Variants in NTNG1 observed in about 807,000 individuals in gnomAD.
NTNG1 encodes the protein netrin-G1.
In NTNG1, 16 loss-of-function variants were observed where a neutral mutation model predicts 54.0. That is an observed-to-expected ratio of 0.30 (90% CI 0.20 to 0.45). The LOEUF is 0.45. Among genes scored for constraint, NTNG1 ranks in the 20% least tolerant of loss-of-function variants. NTNG1 has a pLI of 1.00. For missense variants in NTNG1, 530 were observed against 678.7 expected (o/e 0.78, Z 2.43); for synonymous variants, 255 against 263.1 (o/e 0.97, Z 0.30).
At chr1:107,200,427 C>A (rs891292250) in intron 2 of NTNG1, among the ~76,000 whole-genome samples, 3 of 151,746 alleles carry the variant, frequency 2.0e-5, no homozygotes, top group African/African-American at 4.8e-5. Context: ...CTCTTGATCA[C>A]AGTGTCTTGA....
chr1:107,324,914 G>A lies in NTNG1; in HGVS notation c.879G>A (p.Val293=). The A allele has an allele frequency of 1.9e-6, 3 of 1,607,498 alleles. No individual in the cohort carries two copies. The highest frequency in any genetic ancestry group is 2.6e-6 in the Non-Finnish European group (3 of 1,175,814). Residue 293 remains valine, a synonymous_variant, in exon 3 of 8, where the codon GTG becomes GTA. Transcript: ENST00000370068. ...RYFYAISDIK[V]RGRCKCNLHA... is the part of the protein sequence containing the mutation. ...TTTACGCGATCTCAGACATAAAGGT[G>A]CGAGGAAGGTAAGAGAAAATCTGTC...
intron 7 of NTNG1, among the ~76,000 whole-genome samples, chr1:107,463,451 T>C (rs1045126318): frequency 6.6e-6 from 1 of 152,186 alleles, no homozygotes; most frequent in African/African-American, 2.4e-5. Flanking sequence ...AATTCTTTAC[T>C]GGCTGAATTG....
intron 3 of NTNG1, among the ~76,000 whole-genome samples, chr1:107,358,020 T>C (rs570462261): frequency 2.0e-5 from 3 of 152,264 alleles, no homozygotes; most frequent in African/African-American, 4.8e-5. Flanking sequence ...AAATAATAGA[T>C]CATTCCATTC....
intron 2 of NTNG1, among the ~76,000 whole-genome samples, chr1:107,261,234 C>T (rs1663302179): frequency 1.3e-5 from 2 of 152,118 alleles, no homozygotes; most frequent in Admixed American, 1.3e-4. Flanking sequence ...ATAATCCCTG[C>T]CTTCATGTAA....
At chr1:107,292,332 A>C (rs937293701) in intron 2 of NTNG1, among the ~76,000 whole-genome samples, 1 of 152,216 alleles carries the variant, frequency 6.6e-6, no homozygotes, top group Non-Finnish European at 1.5e-5. Flanking sequence ...GTTTTAGATC[A>C]GGAGTGAACA....
chr1:107,458,080 G>T (rs1157278775), intron 7 of NTNG1, among the ~76,000 whole-genome samples: 1 of 152,132 alleles, frequency 6.6e-6, no homozygotes, highest in Non-Finnish European at 1.5e-5. Flanking sequence ...GCATCTAAAA[G>T]TTTGGAAGTG....
chr1:107,170,764 G>A (rs1656158033), intron 2 of NTNG1, among the ~76,000 whole-genome samples: 1 of 152,094 alleles, frequency 6.6e-6, no homozygotes, highest in African/African-American at 2.4e-5. Flanking sequence ...TATAAGCTAA[G>A]TTCCAAAAAC....
chr1:107,312,945 C>CTATT (rs1370252346), intron 2 of NTNG1, among the ~76,000 whole-genome samples: 1 of 152,008 alleles, frequency 6.6e-6, no homozygotes, highest in Non-Finnish European at 1.5e-5. Context: ...TCATAGCCTG[C>CTATT]TAATACTTTA....
intron 2 of NTNG1, among the ~76,000 whole-genome samples, chr1:107,188,368 G>A (rs1657632067): frequency 6.6e-6 from 1 of 152,078 alleles, no homozygotes; most frequent in African/African-American, 2.4e-5. Context: ...TAACTGACAG[G>A]TCTATACCTT....
intron 7 of NTNG1, among the ~76,000 whole-genome samples, chr1:107,479,550 C>A (rs1414830269): frequency 6.6e-6 from 1 of 152,146 alleles, no homozygotes; most frequent in Non-Finnish European, 1.5e-5. Context: ...ACCTCCCATT[C>A]CAGAGGGGTT....
chr1:107,232,800 T>C (rs902609933), intron 2 of NTNG1, among the ~76,000 whole-genome samples: 6 of 152,162 alleles, frequency 3.9e-5, no homozygotes, highest in African/African-American at 1.2e-4. Flanking sequence ...AATATAATAG[T>C]CTAGTCAAAA....
intron 3 of NTNG1, among the ~76,000 whole-genome samples, chr1:107,355,613 C>T (rs1669891975): frequency 2.0e-5 from 3 of 152,088 alleles, no homozygotes; most frequent in Admixed American, 2.0e-4. Context: ...CAAGCCCAAA[C>T]AAATAAGTTT....
At chr1:107,191,190 T>A (rs1228126860) in intron 2 of NTNG1, among the ~76,000 whole-genome samples, 1 of 152,164 alleles carries the variant, frequency 6.6e-6, no homozygotes, top group African/African-American at 2.4e-5. Context: ...ATGATGAGCA[T>A]TTTTTCATGT....
chr1:107,214,802 T>TTTA (rs1659837275), intron 2 of NTNG1, among the ~76,000 whole-genome samples: 1 of 151,048 alleles, frequency 6.6e-6, no homozygotes, highest in Non-Finnish European at 1.5e-5. Flanking sequence ...TTTTTTTTTT[T>TTTA]CAATTTTCTG....
chr1:107,393,771 G>A (rs2587895), intron 3 of NTNG1, among the ~76,000 whole-genome samples: 76,248 of 151,684 alleles, frequency 0.5, 19,305 homozygotes, highest in Middle Eastern at 0.56. Context: ...CAGTGTTCCA[G>A]AAAGATTATG....
intron 2 of NTNG1, among the ~76,000 whole-genome samples, chr1:107,254,891 T>G (rs1477916378): frequency 6.6e-6 from 1 of 152,220 alleles, no homozygotes; most frequent in African/African-American, 2.4e-5. Context: ...AGAGGCTTCA[T>G]ACATCCCTGC....
At position 107,378,427 on chromosome 1, in the gene NTNG1, T is replaced by C. The variant is rs1671436831; in HGVS notation, c.888-16727T>C. 2.0e-5 allele frequency among the ~76,000 whole-genome samples: 3 copies of C among 152,126 alleles called. No homozygotes were observed. In the South Asian group the frequency reaches 6.2e-4, roughly 32 times the overall value. On this transcript the variant is annotated intron_variant, in intron 3 of 7. Coordinates refer to ENST00000370068, the MANE Select transcript of NTNG1 (RefSeq NM_001113226.3). Reference sequence around the variant, plus strand: ...GAATGTAAAAATCAGGGTCAGACACTTCAAATCAAATCATCCACAAATGCA... The same window carrying C: ...GAATGTAAAAATCAGGGTCAGACACCTCAAATCAAATCATCCACAAATGCA...
In NTNG1 at chr1:107,263,041, A is replaced by G. The variant is rs535984168; in HGVS notation, c.247-61241A>G. Among the ~76,000 whole-genome samples, 20 of 152,360 alleles carry G rather than the reference A, an allele frequency of 1.3e-4. No homozygotes were observed. In the South Asian group the frequency reaches 3.9e-3, roughly 30 times the overall value. On this transcript the variant is annotated intron_variant, in intron 2 of 7. Transcript: ENST00000370068. Reference sequence around the variant, plus strand: ...TTGGTCACTTACTCATGTGTGAGTTACTGTGCAAACAATTCTGATAAAAGA... The same window carrying G: ...TTGGTCACTTACTCATGTGTGAGTTGCTGTGCAAACAATTCTGATAAAAGA...
chr1:107,323,728 G>C (rs904982885), intron 2 of NTNG1, among the ~76,000 whole-genome samples: 11 of 151,978 alleles, frequency 7.2e-5, no homozygotes, highest in African/African-American at 2.7e-4. Context: ...TGTAAAACCA[G>C]ACATTATGAA....
Sources: allele counts gnomAD v4.1 joint callset (sites outside exome capture counted in the v4.1 genomes callset), GRCh38; gene constraint gnomAD v4.1.1; transcripts MANE v1.5; gene names NCBI Gene and HGNC (gene_info 2026-07-23, HGNC 2026-07-21).